CSNK1G1: variants seen among roughly 807,000 people sequenced by gnomAD.
The protein encoded by CSNK1G1 is casein kinase 1 gamma 1.
In CSNK1G1, 22 loss-of-function variants were observed where a neutral mutation model predicts 59.6. That is an observed-to-expected ratio of 0.37 (90% CI 0.26 to 0.53). CSNK1G1 has a LOEUF of 0.53. Ranked by LOEUF, CSNK1G1 falls within the 20% of genes least tolerant of loss-of-function variation. The pLI is 0.89. For missense variants in CSNK1G1, 384 were observed against 519.5 expected (o/e 0.74, Z 2.54); for synonymous variants, 179 against 177.1 (o/e 1.01, Z -0.08).
chr15:64,227,073 G>A (rs1198057056), intron 4 of CSNK1G1, among the ~76,000 whole-genome samples: 1 of 152,194 alleles, frequency 6.6e-6, no homozygotes, highest in African/African-American at 2.4e-5. Flanking sequence ...TAAGTACTAA[G>A]TAAATTAATA....
chr15:64,332,821 A>G (rs1198885118), intron 1 of CSNK1G1, among the ~76,000 whole-genome samples: 1 of 152,184 alleles, frequency 6.6e-6, no homozygotes, highest in African/African-American at 2.4e-5. Flanking sequence ...TTAAAGTTAC[A>G]TAAAATTTTT....
chr15:64,302,093 CTTTA>C (rs894930560), intron 1 of CSNK1G1, among the ~76,000 whole-genome samples: 7 of 151,888 alleles, frequency 4.6e-5, no homozygotes, highest in Non-Finnish European at 8.8e-5. Context: ...AATCTGTTTG[CTTTA>C]TTTATTTATT....
At chr15:64,337,382 T>C (rs762376146) in intron 1 of CSNK1G1, among the ~76,000 whole-genome samples, 2 of 152,202 alleles carry the variant, frequency 1.3e-5, no homozygotes, top group Non-Finnish European at 2.9e-5. Flanking sequence ...AGAATCTTGC[T>C]CTGCCACCCA....
chr15:64,280,623 G>A (rs979362897), intron 2 of CSNK1G1, among the ~76,000 whole-genome samples: 1 of 152,036 alleles, frequency 6.6e-6, no homozygotes, highest in Non-Finnish European at 1.5e-5. Context: ...GCCTCCCAAA[G>A]TGTTAAGGAT....
intron 10 of CSNK1G1, among the ~76,000 whole-genome samples, chr15:64,192,535 G>A (rs1596071692): frequency 6.6e-6 from 1 of 152,014 alleles, no homozygotes; most frequent in East Asian, 1.9e-4. Flanking sequence ...CTATGGCAGG[G>A]GAAAAAAATC....
chr15:64,201,814 T>C (rs2082113602), intron 10 of CSNK1G1, among the ~76,000 whole-genome samples: 1 of 152,048 alleles, frequency 6.6e-6, no homozygotes, highest in Non-Finnish European at 1.5e-5. Context: ...TGTTTTTGTA[T>C]TTTCTTGTAA....
Position 64,188,541 on chromosome 15 carries a change from A to T in CSNK1G1, c.1108-8087T>A. 5 of 1,294,942 alleles carry T rather than the reference A, an allele frequency of 3.9e-6. No homozygotes were observed. The highest frequency in any genetic ancestry group is 5.4e-6 in the Non-Finnish European group (5 of 932,404). The allele number at this position is 1,294,942 out of a possible 1,614,324, so 80.2% of individuals were successfully genotyped here. The stretch of plus-strand genomic sequence containing the variant: ...GATATGGAAGGAAAGGTGAAGCAAC[A>T]GCAAGCAATAACAAAATCAAGTACA... On this transcript the variant is annotated intron_variant, in intron 10 of 11. Transcript: ENST00000303052. This position sits in a 1 kb window ranked among gnomAD's most constrained non-coding sequence, Gnocchi z 4.2.
intron 1 of CSNK1G1, among the ~76,000 whole-genome samples, chr15:64,315,254 AAC>A (rs2140429020): frequency 6.6e-6 from 1 of 152,324 alleles, no homozygotes; most frequent in African/African-American, 2.4e-5. Context: ...AGAGCTAGGG[AAC>A]ACAGTTTCCA....
intron 2 of CSNK1G1, among the ~76,000 whole-genome samples, chr15:64,286,141 A>G (rs938367781): frequency 2.0e-5 from 3 of 152,138 alleles, no homozygotes; most frequent in Non-Finnish European, 2.9e-5. Flanking sequence ...CCCGGACCCC[A>G]GCCCTTTCTC....
At chr15:64,186,142 T>C (rs1326972805) in intron 10 of CSNK1G1, among the ~76,000 whole-genome samples, 1 of 152,194 alleles carries the variant, frequency 6.6e-6, no homozygotes, top group Non-Finnish European at 1.5e-5. Context: ...AGTCTTGTTG[T>C]GTCGCCCAGG....
At chr15:64,302,132 G>A (rs533818922) in intron 1 of CSNK1G1, among the ~76,000 whole-genome samples, 22 of 151,902 alleles carry the variant, frequency 1.4e-4, no homozygotes, top group South Asian at 8.3e-4. Flanking sequence ...ATGGAATTTC[G>A]CTCGTTGCCT....
At chr15:64,307,043 T>C (rs1895716751) in intron 1 of CSNK1G1, among the ~76,000 whole-genome samples, 1 of 152,162 alleles carries the variant, frequency 6.6e-6, no homozygotes, top group African/African-American at 2.4e-5. Context: ...CTATTCTGTA[T>C]GATACCATAA....
chr15:64,316,628 C>T (rs976511562), intron 1 of CSNK1G1, among the ~76,000 whole-genome samples: 2 of 151,756 alleles, frequency 1.3e-5, no homozygotes, highest in Non-Finnish European at 2.9e-5. Flanking sequence ...GTCTTATGCC[C>T]AATTTCTGCC....
At chr15:64,302,721 T>C (rs1371945841) in intron 1 of CSNK1G1, among the ~76,000 whole-genome samples, 1 of 152,154 alleles carries the variant, frequency 6.6e-6, no homozygotes, top group Non-Finnish European at 1.5e-5. Flanking sequence ...TCAACTATAC[T>C]TCCTTCCATT....
Position 64,166,060 on chromosome 15 carries a change from G to T in CSNK1G1, c.*5871C>A, listed in dbSNP as rs1477883341. ...AGCTGAGCTTTGTGACCAGTGCCAG[G>T]GTTTATGAAACATTATACATCTAAA... On this transcript the variant is annotated 3_prime_UTR_variant, in exon 12 of 12. Transcript: ENST00000303052. The surrounding 1 kb of genome is among the most constrained non-coding windows in gnomAD (Gnocchi z 4.5). 1 of 653,382 alleles carries T rather than the reference G, an allele frequency of 1.5e-6. No individual in the cohort carries two copies. Among genetic ancestry groups the T allele is most frequent in the Admixed American group, 2.5e-5 (1 of 39,362 alleles). 40.5% of individuals were successfully genotyped at this position (653,382 alleles called of 1,614,324 possible).
intron 1 of CSNK1G1, among the ~76,000 whole-genome samples, chr15:64,324,242 T>C (rs1896722137): frequency 6.6e-6 from 1 of 152,176 alleles, no homozygotes; most frequent in South Asian, 2.1e-4. Context: ...GAGTGTCAAC[T>C]TGATTGGACT....
intron 4 of CSNK1G1, among the ~76,000 whole-genome samples, chr15:64,248,147 G>A (rs1308984878): frequency 6.6e-6 from 1 of 152,124 alleles, no homozygotes; most frequent in Non-Finnish European, 1.5e-5. Context: ...TGGCATATGC[G>A]CACTGGCTGC....
At chr15:64,313,551 G>A (rs1316919621) in intron 1 of CSNK1G1, among the ~76,000 whole-genome samples, 1 of 152,046 alleles carries the variant, frequency 6.6e-6, no homozygotes, top group African/African-American at 2.4e-5. Context: ...GCTGAACAAT[G>A]AGAACACATG....
chr15:64,166,261 A>G lies in CSNK1G1; in HGVS notation c.*5670T>C. 1 of 386,094 alleles carries G rather than the reference A, an allele frequency of 2.6e-6. No individual in the cohort carries two copies. The highest frequency in any genetic ancestry group is 4.6e-6 in the Non-Finnish European group (1 of 218,598). The allele number at this position is 386,094 out of a possible 1,614,324, so 23.9% of individuals were successfully genotyped here. On this transcript the variant is annotated 3_prime_UTR_variant, in exon 12 of 12. Coordinates refer to ENST00000303052, the MANE Select transcript of CSNK1G1 (RefSeq NM_022048.5). The surrounding 1 kb of genome is among the most constrained non-coding windows in gnomAD (Gnocchi z 4.5). The stretch of plus-strand genomic sequence containing the variant: ...TCAAAGACAGATAAATAATAATATA[A>G]TAAATTAGAGCATGTAATACATCCT...
Sources: allele counts gnomAD v4.1 joint callset (sites outside exome capture counted in the v4.1 genomes callset), GRCh38; gene constraint gnomAD v4.1.1; non-coding constraint Gnocchi (gnomAD v3.1); transcripts MANE v1.5; gene names NCBI Gene and HGNC (gene_info 2026-07-23, HGNC 2026-07-21).